Variants in BSDC1 observed in about 807,000 individuals in gnomAD.
The protein encoded by BSDC1 is BSD domain-containing protein 1.
In BSDC1, 29 loss-of-function variants were observed where a neutral mutation model predicts 56.0. That is an observed-to-expected ratio of 0.52 (90% CI 0.39 to 0.71). BSDC1 has a LOEUF of 0.71. BSDC1 is among the 30% of genes least tolerant of loss of function. BSDC1 has a pLI of 0.00. For missense variants in BSDC1, 477 were observed against 548.5 expected (o/e 0.87, Z 1.30); for synonymous variants, 210 against 215.3 (o/e 0.98, Z 0.21).
intron 10 of BSDC1, 156 bp from the exon 11 acceptor site, chr1:32,366,810 A>G: frequency 7.2e-7 from 1 of 1,387,442 alleles, no homozygotes; most frequent in Non-Finnish European, 9.4e-7. Flanking sequence ...AGTCTTAAGG[A>G]ATGTGTCTGA....
At chr1:32,368,580 A>T in intron 9 of BSDC1, 30 bp from the exon 10 acceptor site, 2 of 1,613,324 alleles carry the variant, frequency 1.2e-6, no homozygotes, top group Non-Finnish European at 1.7e-6. Flanking sequence ...TGTGAAAAGC[A>T]GGAGGAGGCA....
At chr1:32,385,051 CAT>C (rs1243783024) in intron 3 of BSDC1, among the ~76,000 whole-genome samples, 1 of 152,096 alleles carries the variant, frequency 6.6e-6, no homozygotes, top group Non-Finnish European at 1.5e-5. Flanking sequence ...TTTTTTGTAA[CAT>C]GAGTAATTAA....
chr1:32,369,124 G>GA (rs1309811639), intron 9 of BSDC1: 27 of 471,412 alleles, frequency 5.7e-5, no homozygotes, highest in African/African-American at 5.4e-4. Flanking sequence ...CACTGACAGG[G>GA]AATTAGACAA....
rs1642370389 is a variant in BSDC1 at position 32,378,410 on chromosome 1, T to C, written c.529-127A>G. The C allele has an allele frequency of 5.6e-6, 5 of 894,948 alleles. No homozygotes were observed. The highest frequency in any genetic ancestry group is 8.9e-6 in the Non-Finnish European group (5 of 561,186). 55.4% of individuals were successfully genotyped at this position (894,948 alleles called of 1,614,324 possible). A position where few individuals can be genotyped will look rare whatever the true frequency, so the allele number is the denominator to read the frequency against. ...CCAGTAAGTGGCTTAGCAGTGACAG[T>C]CAGAGCACTTCCACCCCCACCAAAG... On this transcript the variant is annotated intron_variant, in intron 6 of 10. Transcript: ENST00000455895. This position sits in a 1 kb window ranked among gnomAD's most constrained non-coding sequence, Gnocchi z 5.2.
At chr1:32,379,310 C>T (rs1269945150) in intron 5 of BSDC1, among the ~76,000 whole-genome samples, 1 of 152,082 alleles carries the variant, frequency 6.6e-6, no homozygotes, top group African/African-American at 2.4e-5. Flanking sequence ...TTTTCCTTTC[C>T]TTTCCATATC....
At chr1:32,382,584 G>C (rs974959692) in intron 4 of BSDC1, among the ~76,000 whole-genome samples, 1 of 151,988 alleles carries the variant, frequency 6.6e-6, no homozygotes, top group South Asian at 2.1e-4. Flanking sequence ...AATGTGGCCA[G>C]GCGCGGTGGC....
In BSDC1 at chr1:32,378,182, G is replaced by C. The variant is rs750992561; in HGVS notation, c.597+33C>G. 4.5e-5 allele frequency: 72 copies of C among 1,610,764 alleles called. No homozygotes were observed. The East Asian group carries it at 1.6e-3, about 35-fold the overall frequency. ...AATCCAGCCTGCTTCCCCCAGGGTT[G>C]AGTGGGGACCTCCCCATGCTAGACC... On this transcript the variant is annotated intron_variant, in intron 7 of 10. Coordinates refer to ENST00000455895, the MANE Select transcript of BSDC1 (RefSeq NM_018045.8). The surrounding 1 kb of genome is among the most constrained non-coding windows in gnomAD (Gnocchi z 5.2).
chr1:32,369,455 G>A (rs1038099053), intron 9 of BSDC1: 2 of 388,844 alleles, frequency 5.1e-6, no homozygotes, highest in Non-Finnish European at 9.5e-6. Flanking sequence ...GCTGCAGTGA[G>A]CTATGATCAT....
chr1:32,384,984 G>A (rs1317601756), intron 3 of BSDC1, among the ~76,000 whole-genome samples: 4 of 152,048 alleles, frequency 2.6e-5, no homozygotes, highest in African/African-American at 9.7e-5. Flanking sequence ...GCAGGTGGAC[G>A]GTATTTTACA....
chr1:32,373,604 C>T (rs1232592979), intron 9 of BSDC1, among the ~76,000 whole-genome samples: 1 of 152,140 alleles, frequency 6.6e-6, no homozygotes, highest in South Asian at 2.1e-4. Context: ...TCACTGCAGC[C>T]TCAACCTCCC....
chr1:32,385,040 A>T (rs1348510728), intron 3 of BSDC1, among the ~76,000 whole-genome samples: 2 of 152,172 alleles, frequency 1.3e-5, no homozygotes, highest in Non-Finnish European at 2.9e-5. Context: ...TCCAAAACTC[A>T]TTTTTTGTAA....
At chr1:32,387,327 A>G (rs1025814623) in intron 2 of BSDC1, among the ~76,000 whole-genome samples, 4 of 152,188 alleles carry the variant, frequency 2.6e-5, no homozygotes, top group African/African-American at 9.7e-5. Flanking sequence ...ATAACATGAA[A>G]AAAAGGTATG....
chr1:32,371,452 A>T (rs1267977378), intron 9 of BSDC1, among the ~76,000 whole-genome samples: 1 of 151,718 alleles, frequency 6.6e-6, no homozygotes, highest in African/African-American at 2.4e-5. Context: ...CTGGGACTAC[A>T]GGCGCCCGCC....
intron 4 of BSDC1, among the ~76,000 whole-genome samples, chr1:32,382,044 T>C (rs189529702): frequency 4.9e-4 from 74 of 152,072 alleles, no homozygotes; most frequent in Admixed American, 2.6e-3. Flanking sequence ...CTGGCCAACA[T>C]GGTGAAACCC....
chr1:32,371,374 A>G (rs555332756), intron 9 of BSDC1, among the ~76,000 whole-genome samples: 1 of 148,726 alleles, frequency 6.7e-6, no homozygotes, highest in South Asian at 2.1e-4. Context: ...GCAGTGGCAC[A>G]ATCTCGGCTC....
chr1:32,387,933 C>T (rs752768784), intron 2 of BSDC1, among the ~76,000 whole-genome samples: 5 of 152,136 alleles, frequency 3.3e-5, no homozygotes, highest in South Asian at 2.1e-4. Context: ...TCTACCATCC[C>T]GAGGTTCTAT....
intron 10 of BSDC1, chr1:32,366,935 G>A: frequency 1.7e-6 from 2 of 1,187,680 alleles, no homozygotes; most frequent in Non-Finnish European, 2.1e-6. Context: ...GCTGCCTACA[G>A]GAACCAAGTC....
intron 8 of BSDC1, among the ~76,000 whole-genome samples, chr1:32,377,433 T>C (rs751836161): frequency 2.6e-5 from 4 of 152,106 alleles, no homozygotes; most frequent in Non-Finnish European, 5.9e-5. Flanking sequence ...AATGGGGTTG[T>C]GGTAAGGACT....
At chr1:32,375,816 A>G (rs1199935319) in intron 9 of BSDC1, among the ~76,000 whole-genome samples, 2 of 152,210 alleles carry the variant, frequency 1.3e-5, no homozygotes, top group Non-Finnish European at 2.9e-5. Context: ...AAATTGTCCA[A>G]AAAGATAGAA....
Sources: allele counts gnomAD v4.1 joint callset (sites outside exome capture counted in the v4.1 genomes callset), GRCh38; gene constraint gnomAD v4.1.1; non-coding constraint Gnocchi (gnomAD v3.1); transcripts MANE v1.5; gene names NCBI Gene and HGNC (gene_info 2026-07-23, HGNC 2026-07-21).